DLGAP2: variants seen among roughly 807,000 people sequenced by gnomAD.
The protein encoded by DLGAP2 is DLG associated protein 2.
A neutral mutation model predicts 100.3 loss-of-function variants in DLGAP2; 26 were observed. The ratio of observed to expected loss-of-function variants is 0.26; its 90% confidence interval spans 0.19 to 0.36. The LOEUF (loss-of-function observed/expected upper bound fraction) is 0.36, where lower values mean the gene tolerates loss of function less well. DLGAP2 is among the 10% of genes least tolerant of loss of function. The probability of loss-of-function intolerance (pLI) is 1.00; values close to 1 mark genes in which losing one functional copy is unlikely to be tolerated. For synonymous variants in DLGAP2, 886 were observed against 630.1 expected (o/e 1.41, Z -6.08); for missense variants, 1,858 against 1,453.2 (o/e 1.28, Z -4.53).
intron 1 of DLGAP2, among the ~76,000 whole-genome samples, chr8:783,681 C>T (rs779323228): frequency 9.9e-5 from 15 of 152,094 alleles, no homozygotes; most frequent in South Asian, 2.1e-4. Flanking sequence ...GATGCTTCTG[C>T]GTCTTTGCCT....
intron 1 of DLGAP2, among the ~76,000 whole-genome samples, chr8:799,573 A>G (rs997067270): frequency 6.6e-6 from 1 of 152,178 alleles, no homozygotes; most frequent in South Asian, 2.1e-4. Flanking sequence ...GCATTTTGCA[A>G]ATGATGCCTA....
At chr8:870,804 T>C (rs541293488) in intron 1 of DLGAP2, among the ~76,000 whole-genome samples, 1 of 151,636 alleles carries the variant, frequency 6.6e-6, no homozygotes, top group Non-Finnish European at 1.5e-5. Flanking sequence ...AATGAGGGAG[T>C]GGAGGGCTGC....
intron 1 of DLGAP2, among the ~76,000 whole-genome samples, chr8:815,762 T>A (rs969212670): frequency 1.3e-5 from 2 of 152,324 alleles, no homozygotes; most frequent in South Asian, 4.2e-4. Flanking sequence ...CTTGGCAAGT[T>A]AACAGAGGCC....
intron 3 of DLGAP2, among the ~76,000 whole-genome samples, chr8:1,345,096 ATTAGC>A (rs1461836938): frequency 1.3e-5 from 2 of 150,842 alleles, no homozygotes; most frequent in Admixed American, 6.6e-5. Context: ...CTCGGGAACA[ATTAGC>A]TTAGCTGCTT....
intron 14 of DLGAP2, among the ~76,000 whole-genome samples, chr8:1,700,020 C>T (rs1799522664): frequency 1.3e-5 from 2 of 152,140 alleles, no homozygotes; most frequent in South Asian, 4.1e-4. Flanking sequence ...TGAACTGATC[C>T]CCCCCATTGT....
intron 3 of DLGAP2, among the ~76,000 whole-genome samples, chr8:1,303,523 G>A (rs934687302): frequency 1.4e-4 from 21 of 152,270 alleles, no homozygotes; most frequent in African/African-American, 4.1e-4. Flanking sequence ...ACCCTGCTGG[G>A]CTGTGCGCTG....
chr8:1,278,128 A>G (rs1585217033), intron 3 of DLGAP2, among the ~76,000 whole-genome samples: 1 of 152,340 alleles, frequency 6.6e-6, no homozygotes, highest in South Asian at 2.1e-4. Context: ...CAGGTGAGGG[A>G]GTGGCATCCG....
chr8:1,330,455 C>T (rs1180515938), intron 3 of DLGAP2, among the ~76,000 whole-genome samples: 1 of 135,598 alleles, frequency 7.4e-6, no homozygotes. Flanking sequence ...GGACTGAGTT[C>T]TGGGTGGGAG....
At chr8:1,247,280 C>CACGTCGGTGGCCAGCAAGACCTTTG (rs1798931432) in intron 2 of DLGAP2, among the ~76,000 whole-genome samples, 2 of 126,906 alleles carry the variant, frequency 1.6e-5, no homozygotes, top group Admixed American at 7.6e-5. Flanking sequence ...TGAGATGGTC[C>CACGTCGGTGGCCAGCAAGACCTTTG]ACATCGGTGG....
At chr8:1,423,194 AC>A (rs1275345186) in intron 3 of DLGAP2, among the ~76,000 whole-genome samples, 4 of 152,206 alleles carry the variant, frequency 2.6e-5, no homozygotes, top group Non-Finnish European at 5.9e-5. Flanking sequence ...TTTGAATTCA[AC>A]CAGCAGAGAT....
At chr8:1,027,750 C>G (rs1223103698) in intron 2 of DLGAP2, among the ~76,000 whole-genome samples, 1 of 125,192 alleles carries the variant, frequency 8.0e-6, no homozygotes, top group East Asian at 2.6e-4. Flanking sequence ...GTCAGGCGCC[C>G]GTTATTCTCC....
At chr8:1,234,791 C>G (rs1798608068) in intron 2 of DLGAP2, among the ~76,000 whole-genome samples, 1 of 152,188 alleles carries the variant, frequency 6.6e-6, no homozygotes, top group African/African-American at 2.4e-5. Context: ...GCAACTGGGG[C>G]CTTTCATGTG....
At chr8:1,450,819 T>G (rs1336313957) in intron 3 of DLGAP2, among the ~76,000 whole-genome samples, 1 of 152,128 alleles carries the variant, frequency 6.6e-6, no homozygotes, top group Non-Finnish European at 1.5e-5. Context: ...GGGCAAATAT[T>G]TAGAAGGTAT....
rs1303449230 is a variant in DLGAP2 at position 737,636 on chromosome 8, C to G, written c.-172C>G. On this transcript the variant is annotated 5_prime_UTR_variant, in exon 1 of 15. Transcript: ENST00000637795. ...GCAGGCGCCGGCCGTGAAGACCGACCGTGCGCCGGGCTCGAGCGCGGTCTG... is the reference window on the plus strand; with the variant it reads ...GCAGGCGCCGGCCGTGAAGACCGACGGTGCGCCGGGCTCGAGCGCGGTCTG... 2.9e-6 allele frequency: 1 copy of G among 346,396 alleles called. No homozygotes were observed. Among genetic ancestry groups the G allele is most frequent in the South Asian group, 1.4e-4 (1 of 6,926 alleles). 21.5% of individuals were successfully genotyped at this position (346,396 alleles called of 1,614,324 possible). A position where few individuals can be genotyped will look rare whatever the true frequency, so the allele number is the denominator to read the frequency against.
intron 3 of DLGAP2, among the ~76,000 whole-genome samples, chr8:1,286,475 T>G (rs1799923446): frequency 6.6e-6 from 1 of 152,202 alleles, no homozygotes; most frequent in Non-Finnish European, 1.5e-5. Context: ...GGAAGAGCTT[T>G]CCCCGTAGAC....
At chr8:1,099,865 C>G (rs73524641) in intron 2 of DLGAP2, among the ~76,000 whole-genome samples, 2,589 of 152,276 alleles carry the variant, frequency 0.017, 85 homozygotes, top group African/African-American at 0.059. Flanking sequence ...CATTCAAAAT[C>G]CTCATTTCAA....
intron 2 of DLGAP2, among the ~76,000 whole-genome samples, chr8:1,148,180 C>T (rs1224218017): frequency 6.6e-6 from 1 of 152,004 alleles, no homozygotes; most frequent in East Asian, 1.9e-4. Context: ...CTTCTTGTGT[C>T]AGTTTTTATA....
intron 1 of DLGAP2, among the ~76,000 whole-genome samples, chr8:782,813 C>T (rs923203784): frequency 1.3e-5 from 2 of 152,186 alleles, no homozygotes; most frequent in Non-Finnish European, 2.9e-5. Flanking sequence ...AAATACCACT[C>T]ACTGAGACCT....
At chr8:928,302 A>G (rs1461986016) in intron 2 of DLGAP2, among the ~76,000 whole-genome samples, 2 of 151,778 alleles carry the variant, frequency 1.3e-5, no homozygotes, top group South Asian at 2.1e-4. Flanking sequence ...GTGTGTGTTC[A>G]CTAGGCATCC....
Sources: allele counts gnomAD v4.1 joint callset (sites outside exome capture counted in the v4.1 genomes callset), GRCh38; gene constraint gnomAD v4.1.1; transcripts MANE v1.5; gene names NCBI Gene and HGNC (gene_info 2026-07-23, HGNC 2026-07-21).